KIAA0825: variants seen among roughly 807,000 people sequenced by gnomAD.
KIAA0825 encodes uncharacterized protein KIAA0825.
KIAA0825 carries 119 observed loss-of-function variants against 147.6 expected under a neutral mutation model. That is an observed-to-expected ratio of 0.81 (90% CI 0.69 to 0.94). The LOEUF is 0.94. Ranked by LOEUF, KIAA0825 falls within the 40% of genes least tolerant of loss-of-function variation. KIAA0825 has a pLI of 0.00. For missense variants in KIAA0825, 1,381 were observed against 1,472.7 expected, an observed-to-expected ratio of 0.94 and a Z score of 1.02; for synonymous variants, 470 against 518.1, an observed-to-expected ratio of 0.91 and a Z score of 1.26.
intron 19 of KIAA0825, among the ~76,000 whole-genome samples, chr5:94,385,703 G>C (rs1474974865): frequency 1.3e-5 from 2 of 152,184 alleles, no homozygotes; most frequent in Non-Finnish European, 2.9e-5. Context: ...TTATCACATT[G>C]ACTTTATTCC....
intron 20 of KIAA0825, among the ~76,000 whole-genome samples, chr5:94,195,421 TAAAC>T (rs1347363645): frequency 1.3e-5 from 2 of 152,256 alleles, no homozygotes; most frequent in Non-Finnish European, 2.9e-5. Flanking sequence ...TAATAGCAAA[TAAAC>T]AAAGGAAGGT....
chr5:94,531,698 T>C (rs988319933), intron 3 of KIAA0825, among the ~76,000 whole-genome samples: 2 of 152,102 alleles, frequency 1.3e-5, no homozygotes, highest in African/African-American at 4.8e-5. Context: ...GTTTGCTCAG[T>C]AGGAGGGGAG....
At chr5:94,520,185 T>G in intron 5 of KIAA0825, 63 bp downstream of exon 5, 1 of 1,430,066 alleles carries the variant, frequency 7.0e-7, no homozygotes, top group Non-Finnish European at 9.2e-7. Flanking sequence ...GAAAACATCT[T>G]AGAAAATTAA....
In KIAA0825 at chr5:94,458,752, TA is replaced by T. The variant is rs368585663; in HGVS notation, c.2246+3634del. Among the ~76,000 whole-genome samples the T allele has an allele frequency of 7.7e-3, 1,138 of 147,748 alleles. 8 individuals carry two copies. The highest frequency in any genetic ancestry group is 9.9e-3 in the Non-Finnish European group (658 of 66,540). ...TGCATTCTGCCAGATACCTTTTTTTTAAAAAAAAAAAATCATTTTAAATGTG... is the reference window on the plus strand; with the variant it reads ...TGCATTCTGCCAGATACCTTTTTTTTAAAAAAAAAAATCATTTTAAATGTG... On this transcript the variant is annotated intron_variant, in intron 12 of 20. Transcript: ENST00000682413.
chr5:94,592,917 G>A (rs1000417541), intron 1 of KIAA0825: 2 of 573,330 alleles, frequency 3.5e-6, no homozygotes, highest in African/African-American at 1.9e-5. Context: ...TAGATGAGGA[G>A]CAAATATTTG....
At chr5:94,238,015 T>G (rs1033456357) in intron 20 of KIAA0825, among the ~76,000 whole-genome samples, 2 of 152,168 alleles carry the variant, frequency 1.3e-5, no homozygotes, top group Non-Finnish European at 2.9e-5. Flanking sequence ...CACTTAAGAT[T>G]TGTACATTTC....
intron 20 of KIAA0825, among the ~76,000 whole-genome samples, chr5:94,240,193 G>A (rs566768134): frequency 2.0e-5 from 3 of 152,196 alleles, no homozygotes; most frequent in Admixed American, 6.5e-5. Context: ...TTCAAAACTC[G>A]GCTAACCCAT....
At chr5:94,324,051 A>C (rs772873314) in intron 20 of KIAA0825, among the ~76,000 whole-genome samples, 9 of 152,028 alleles carry the variant, frequency 5.9e-5, no homozygotes, top group Non-Finnish European at 1.2e-4. Flanking sequence ...GGAGGCATTG[A>C]TTAGATTGCC....
At chr5:94,290,753 G>A (rs1003524133) in intron 20 of KIAA0825, among the ~76,000 whole-genome samples, 7 of 152,194 alleles carry the variant, frequency 4.6e-5, no homozygotes, top group African/African-American at 1.7e-4. Context: ...CCCACCAACA[G>A]TGTAAAAGCA....
At chr5:94,365,868 T>C (rs1745777403) in intron 20 of KIAA0825, among the ~76,000 whole-genome samples, 1 of 152,220 alleles carries the variant, frequency 6.6e-6, no homozygotes. Context: ...GTTTCTAAAC[T>C]TCCCCAAGTT....
At chr5:94,171,633 A>G (rs1338305745) in intron 20 of KIAA0825, among the ~76,000 whole-genome samples, 1 of 152,130 alleles carries the variant, frequency 6.6e-6, no homozygotes. Flanking sequence ...ACTTTTTTTC[A>G]AAACAAAATC....
chr5:94,405,369 C>A (rs1236559396), intron 15 of KIAA0825, among the ~76,000 whole-genome samples: 2 of 151,952 alleles, frequency 1.3e-5, no homozygotes, highest in South Asian at 2.1e-4. Flanking sequence ...TAAAGAATAA[C>A]CTAATGTGGC....
intron 9 of KIAA0825, among the ~76,000 whole-genome samples, chr5:94,471,236 T>C (rs567306547): frequency 1.4e-5 from 2 of 141,310 alleles, no homozygotes; most frequent in East Asian, 2.0e-4. Context: ...GCGTGGGTTT[T>C]TGAGTGTGCC....
At chr5:94,484,358 C>T (rs1010092466) in intron 6 of KIAA0825, among the ~76,000 whole-genome samples, 13 of 151,660 alleles carry the variant, frequency 8.6e-5, no homozygotes, top group African/African-American at 2.4e-4. Context: ...TGTAGTCCTA[C>T]ATCATTATTT....
intron 3 of KIAA0825, among the ~76,000 whole-genome samples, chr5:94,529,692 T>A (rs1770383225): frequency 6.6e-6 from 1 of 152,150 alleles, no homozygotes; most frequent in Admixed American, 6.6e-5. Flanking sequence ...CTCTACTATT[T>A]GAAATTTTAT....
intron 16 of KIAA0825, among the ~76,000 whole-genome samples, chr5:94,401,276 CATT>C (rs1254174322): frequency 3.3e-5 from 5 of 151,140 alleles, no homozygotes; most frequent in Admixed American, 6.6e-5. Flanking sequence ...ATAAAATCAT[CATT>C]GTTTTATAAT....
intron 1 of KIAA0825, among the ~76,000 whole-genome samples, chr5:94,606,473 G>T (rs1054379845): frequency 2.0e-5 from 3 of 152,116 alleles, no homozygotes; most frequent in Admixed American, 2.0e-4. Context: ...AAACAACAAA[G>T]CTGGAGGAAC....
chr5:94,432,082 A>G (rs972322577), intron 14 of KIAA0825, among the ~76,000 whole-genome samples: 1 of 152,242 alleles, frequency 6.6e-6, no homozygotes, highest in African/African-American at 2.4e-5. Flanking sequence ...ATAGTTCATA[A>G]TAATTCTTAA....
intron 20 of KIAA0825, among the ~76,000 whole-genome samples, chr5:94,155,930 T>C (rs1268972226): frequency 2.0e-5 from 3 of 152,214 alleles, no homozygotes; most frequent in African/African-American, 4.8e-5. Flanking sequence ...ACTGCTTTCA[T>C]GGAATTTTAA....
Sources: allele counts gnomAD v4.1 joint callset (sites outside exome capture counted in the v4.1 genomes callset), GRCh38; gene constraint gnomAD v4.1.1; transcripts MANE v1.5; gene names NCBI Gene and HGNC (gene_info 2026-07-23, HGNC 2026-07-21).